The following STIMATE variants were observed in gnomAD, a reference collection of about 807,000 sequenced individuals.
STIMATE encodes the protein STIM activating enhancer, also known as store-operated calcium entry regulator STIMATE.
Under a neutral mutation model 36.7 loss-of-function variants are expected in STIMATE, and 15 were observed. The ratio of observed to expected loss-of-function variants is 0.41; its 90% confidence interval spans 0.27 to 0.63. The LOEUF (loss-of-function observed/expected upper bound fraction) is 0.63, where lower values mean the gene tolerates loss of function less well. STIMATE is among the 20% of genes least tolerant of loss of function. The pLI is 0.32. For synonymous variants in STIMATE, 163 were observed against 162.3 expected, an observed-to-expected ratio of 1.00 and a Z score of -0.03; for missense variants, 305 against 397.3, an observed-to-expected ratio of 0.77 and a Z score of 1.98.
chr3:52,892,740 C>T (rs542371201), intron 1 of STIMATE, among the ~76,000 whole-genome samples: 5 of 152,316 alleles, frequency 3.3e-5, no homozygotes, highest in East Asian at 3.9e-4. Flanking sequence ...TGTACCTTTA[C>T]GAGGGAGAGA....
At chr3:52,878,281 C>T (rs1200361640) in intron 1 of STIMATE, among the ~76,000 whole-genome samples, 1 of 148,196 alleles carries the variant, frequency 6.7e-6, no homozygotes, top group Non-Finnish European at 1.5e-5. Context: ...CAGGCTGTAC[C>T]ATCTCTGTTC....
At chr3:52,861,497 T>A (rs1374525837) in intron 1 of STIMATE, among the ~76,000 whole-genome samples, 1 of 152,184 alleles carries the variant, frequency 6.6e-6, no homozygotes, top group African/African-American at 2.4e-5. Context: ...TGGCTTTGAA[T>A]CCTGTCTCTG....
At chr3:52,842,731 A>C in intron 7 of STIMATE, 80 bp downstream of exon 7, 3 of 1,594,858 alleles carry the variant, frequency 1.9e-6, no homozygotes, top group Non-Finnish European at 2.6e-6. Context: ...AGGGAAGAAC[A>C]TACACAGACA....
rs553713945 is a variant in STIMATE at position 52,892,566 on chromosome 3, C to T, written c.160+4725G>A. Among the ~76,000 whole-genome samples the T allele has an allele frequency of 1.2e-4, 18 of 152,308 alleles. No individual in the cohort carries two copies. In the East Asian group the frequency reaches 2.3e-3, roughly 20 times the overall value. On this transcript the variant is annotated intron_variant, in intron 1 of 7. Coordinates refer to ENST00000355083, the MANE Select transcript of STIMATE (RefSeq NM_198563.5). ...GCTGGGTTCCAGACCCAAAGACAGGCGCCTTCACTCGTGAGCTCCAGCTCC... is the reference window on the plus strand; with the variant it reads ...GCTGGGTTCCAGACCCAAAGACAGGTGCCTTCACTCGTGAGCTCCAGCTCC...
At chr3:52,841,475 C>T (rs1021140740) in intron 7 of STIMATE, among the ~76,000 whole-genome samples, 1 of 152,214 alleles carries the variant, frequency 6.6e-6, no homozygotes, top group Admixed American at 6.5e-5. Flanking sequence ...ATCCGCTGCC[C>T]GCCTGCCTGG....
rs1700968848 is a variant in STIMATE, at chr3:52,849,909, G to A, written c.310C>T (p.Leu104Phe). 2 of 1,613,326 alleles carry A rather than the reference G, an allele frequency of 1.2e-6. No individual in the cohort carries two copies. Among genetic ancestry groups the A allele is most frequent in the Non-Finnish European group, 8.5e-7 (1 of 1,179,778 alleles). The change falls in exon 4 of 8, where the codon CTC becomes TTC. Residue 104 changes from leucine (L) to phenylalanine (F), a missense_variant. Around this residue, in one of 3 missense-constraint regions of STIMATE, gnomAD observed 164 missense variants for 257.9 expected, o/e 0.64. Transcript: ENST00000355083. The stretch of plus-strand genomic sequence containing the variant: ...GTGGCGTCCAGGAGGAAGTTGATGA[G>A]GTACCTGTGAGGACAGGGCACATGC... ...LTEEDPCSLY[L>F]INFLLDATVG... is the part of the protein sequence containing the mutation.
At chr3:52,854,588 T>A (rs894038230) in intron 2 of STIMATE, among the ~76,000 whole-genome samples, 12 of 152,242 alleles carry the variant, frequency 7.9e-5, no homozygotes, top group African/African-American at 2.2e-4. Context: ...CTGTGTCCTT[T>A]ATAATAAATC....
intron 1 of STIMATE, chr3:52,895,899 T>A (rs1237375401): frequency 1.1e-5 from 14 of 1,289,806 alleles, no homozygotes; most frequent in Non-Finnish European, 1.3e-5. Flanking sequence ...AACACACACG[T>A]ACAGTACATG....
At chr3:52,847,665 T>C in intron 4 of STIMATE, 1 of 779,490 alleles carries the variant, frequency 1.3e-6, no homozygotes, top group Non-Finnish European at 1.9e-6. Flanking sequence ...GTGTGGGAGG[T>C]GGAATAACAG....
At chr3:52,872,601 C>T (rs1238106477) in intron 1 of STIMATE, among the ~76,000 whole-genome samples, 1 of 152,208 alleles carries the variant, frequency 6.6e-6, no homozygotes, top group East Asian at 1.9e-4. Context: ...CTCACCATAT[C>T]TGACCTGATT....
At chr3:52,851,493 G>A (rs866849466) in intron 3 of STIMATE, among the ~76,000 whole-genome samples, 1 of 152,248 alleles carries the variant, frequency 6.6e-6, no homozygotes, top group South Asian at 2.1e-4. Context: ...CGCAGCCTGT[G>A]CTAGGGTAGG....
rs1273291207 is a variant in STIMATE at position 52,838,442 on chromosome 3, G to A, written c.*2052C>T. The A allele has an allele frequency of 1.3e-5, 2 of 152,246 alleles. No individual in the cohort carries two copies. Among genetic ancestry groups the A allele is most frequent in the Non-Finnish European group, 2.9e-5 (2 of 68,068 alleles). 9.4% of individuals were successfully genotyped at this position (152,246 alleles called of 1,614,324 possible). A position where few individuals can be genotyped will look rare whatever the true frequency, so the allele number is the denominator to read the frequency against. ...ACAGGAGGGGAGGAATTAGAACTGAGTCAGTGATGCCATGAGGGAATGACC... is the reference window on the plus strand; with the variant it reads ...ACAGGAGGGGAGGAATTAGAACTGAATCAGTGATGCCATGAGGGAATGACC... On this transcript the variant is annotated 3_prime_UTR_variant, in exon 8 of 8. Coordinates refer to ENST00000355083, the MANE Select transcript of STIMATE (RefSeq NM_198563.5).
intron 1 of STIMATE, among the ~76,000 whole-genome samples, chr3:52,863,971 G>A (rs545320842): frequency 6.6e-5 from 10 of 152,328 alleles, no homozygotes; most frequent in Non-Finnish European, 1.2e-4. Context: ...CCTCCCTCCC[G>A]GCTGCTTTGA....
intron 1 of STIMATE, among the ~76,000 whole-genome samples, chr3:52,888,955 C>T (rs149880238): frequency 1.3e-3 from 191 of 152,300 alleles, no homozygotes; most frequent in African/African-American, 4.3e-3. Context: ...TCGTGCCACC[C>T]CACCCAATGT....
intron 1 of STIMATE, chr3:52,895,990 A>C (rs775639106): frequency 9.6e-5 from 123 of 1,277,970 alleles, no homozygotes; most frequent in Non-Finnish European, 1.2e-4. Flanking sequence ...TTAGCAGAGA[A>C]AAAGCAAGGC....
intron 2 of STIMATE, among the ~76,000 whole-genome samples, chr3:52,855,031 A>G (rs1476222142): frequency 6.6e-6 from 1 of 152,224 alleles, no homozygotes. Flanking sequence ...AATTTAGGCT[A>G]GTTTTTGCTT....
chr3:52,874,711 A>G (rs1701468582), intron 1 of STIMATE, among the ~76,000 whole-genome samples: 1 of 152,156 alleles, frequency 6.6e-6, no homozygotes, highest in South Asian at 2.1e-4. Flanking sequence ...AAATAAAAAA[A>G]TTAGCTGGGC....
At chr3:52,890,087 C>T (rs1701757837) in intron 1 of STIMATE, among the ~76,000 whole-genome samples, 3 of 152,176 alleles carry the variant, frequency 2.0e-5, no homozygotes, top group Admixed American at 2.0e-4. Flanking sequence ...CTCAGGGACA[C>T]TTCCTCGAGT....
Position 52,842,968 on chromosome 3 carries a change from A to T in STIMATE, c.619-8T>A, listed in dbSNP as rs377544338. The T allele has an allele frequency of 1.2e-3, 1,888 of 1,614,156 alleles. 34 individuals carry two copies. The South Asian group carries it at 0.02, about 17-fold the overall frequency. On this transcript the variant is annotated splice_polypyrimidine_tract_variant and splice_region_variant and intron_variant, in intron 6 of 7. Transcript: ENST00000355083. ...TACCCAAAACATCAAAGCCTGTGGG[A>T]AGGAAAAGTGCAGGTTACTTTGGGA...
Sources: allele counts gnomAD v4.1 joint callset (sites outside exome capture counted in the v4.1 genomes callset), GRCh38; gene constraint gnomAD v4.1.1; regional missense constraint gnomAD v4.1.1; transcripts MANE v1.5; gene names NCBI Gene and HGNC (gene_info 2026-07-23, HGNC 2026-07-21).